GFM1: variants seen among roughly 807,000 people sequenced by gnomAD.
The protein encoded by GFM1 is G elongation factor mitochondrial 1, also known as elongation factor G, mitochondrial.
Under a neutral mutation model 96.2 loss-of-function variants are expected in GFM1, and 62 were observed. That is an observed-to-expected ratio of 0.64 (90% confidence interval 0.53 to 0.80). The LOEUF (loss-of-function observed/expected upper bound fraction) is 0.80, where lower values mean the gene tolerates loss of function less well. Ranked by LOEUF, GFM1 falls within the 30% of genes least tolerant of loss-of-function variation. The probability of loss-of-function intolerance (pLI) is 0.00; values close to 1 mark genes in which losing one functional copy is unlikely to be tolerated. For synonymous variants in GFM1, 282 were observed against 312.9 expected (o/e 0.90, Z 1.04); for missense variants, 852 against 916.6 (o/e 0.93, Z 0.91).
chr3:158,669,064 T>C (rs778285888), intron 13 of GFM1: 4 of 1,613,696 alleles, frequency 2.5e-6, no homozygotes, highest in East Asian at 4.5e-5. Context: ...TGCCATATTA[T>C]ATAACCACAG....
intron 13 of GFM1, chr3:158,667,003 A>G (rs1723758084): frequency 1.3e-6 from 2 of 1,595,218 alleles, no homozygotes; most frequent in African/African-American, 1.3e-5. Context: ...AAGGTAAATT[A>G]TACTTTACCT....
chr3:158,663,844 AG>A (rs1322212477), intron 11 of GFM1, among the ~76,000 whole-genome samples: 2 of 152,224 alleles, frequency 1.3e-5, no homozygotes, highest in African/African-American at 4.8e-5. Flanking sequence ...TGCATTAAAA[AG>A]TTTAAAGATG....
intron 13 of GFM1, among the ~76,000 whole-genome samples, chr3:158,674,399 C>T (rs1724688199): frequency 6.6e-6 from 1 of 152,022 alleles, no homozygotes; most frequent in Admixed American, 6.6e-5. Context: ...AACCCTGACC[C>T]ACCCATGGCA....
intron 13 of GFM1, among the ~76,000 whole-genome samples, chr3:158,674,685 ATGGC>A (rs1724717559): frequency 6.6e-6 from 1 of 152,236 alleles, no homozygotes; most frequent in South Asian, 2.1e-4. Flanking sequence ...TATTAATAAC[ATGGC>A]TTATATTTAA....
chr3:158,662,736 T>C (rs1723293569), intron 11 of GFM1, 52 bp downstream of exon 11: 3 of 1,055,292 alleles, frequency 2.8e-6, no homozygotes, highest in Non-Finnish European at 4.5e-6. Flanking sequence ...TTGAGCTCTT[T>C]TTCATCTATC....
chr3:158,695,172 G>A lies in GFM1; in HGVS notation c.*3705G>A, dbSNP rs542151788. 1.3e-5 allele frequency among the ~76,000 whole-genome samples: 2 copies of A among 152,208 alleles called. No individual in the cohort carries two copies. Among genetic ancestry groups the A allele is most frequent in the Middle Eastern group, 6.8e-3 (2 of 294 alleles). ...GTGGATAACCTGAGGTCAGGAGTTC[G>A]AGACCACCCTGGCCAACACGGTGAA... On this transcript the variant is annotated 3_prime_UTR_variant, in exon 18 of 18. Coordinates refer to ENST00000486715, the MANE Select transcript of GFM1 (RefSeq NM_024996.7).
intron 9 of GFM1, 130 bp downstream of exon 9, chr3:158,659,189 A>G: frequency 9.3e-7 from 1 of 1,076,816 alleles, no homozygotes; most frequent in South Asian, 1.4e-5. Flanking sequence ...TTCTACTTAA[A>G]TGTGTTGTAG....
At chr3:158,658,084 A>T (rs1722909123) in intron 8 of GFM1, among the ~76,000 whole-genome samples, 1 of 151,478 alleles carries the variant, frequency 6.6e-6, no homozygotes, top group South Asian at 2.1e-4. Flanking sequence ...TATAATTAAC[A>T]TGGTAAGAAC....
intron 16 of GFM1, among the ~76,000 whole-genome samples, chr3:158,690,858 A>C (rs993591628): frequency 6.6e-6 from 1 of 152,256 alleles, no homozygotes; most frequent in Non-Finnish European, 1.5e-5. Flanking sequence ...CTGGGGCTAC[A>C]GAGCGGAGTG....
rs1017767681 is a variant in GFM1 at position 158,693,110 on chromosome 3, C to T, written c.*1643C>T. On this transcript the variant is annotated 3_prime_UTR_variant, in exon 18 of 18. Coordinates refer to ENST00000486715, the MANE Select transcript of GFM1 (RefSeq NM_024996.7). Reference sequence around the variant, plus strand: ...GATAAGGTAAATAACTTTAATGAGACCACAAAACCTAAGTTTTTTAATTGA... The same window carrying T: ...GATAAGGTAAATAACTTTAATGAGATCACAAAACCTAAGTTTTTTAATTGA... 2 of 152,042 alleles carry T rather than the reference C, an allele frequency of 1.3e-5. No individual in the cohort carries two copies. The highest frequency in any genetic ancestry group is 2.4e-5 in the African/African-American group (1 of 41,386). The allele number at this position is 152,042 out of a possible 1,614,324, so 9.4% of individuals were successfully genotyped here. A position where few individuals can be genotyped will look rare whatever the true frequency, so the allele number is the denominator to read the frequency against.
chr3:158,686,398 A>AT (rs981378785), intron 15 of GFM1, among the ~76,000 whole-genome samples: 5 of 53,036 alleles, frequency 9.4e-5, no homozygotes, highest in African/African-American at 6.0e-4. Flanking sequence ...TTTTATATAT[A>AT]AAAAAATAAA....
intron 8 of GFM1, 22 bp from the exon 9 acceptor site, chr3:158,658,900 C>G (rs1722972111): frequency 6.2e-7 from 1 of 1,613,448 alleles, no homozygotes; most frequent in Non-Finnish European, 8.5e-7. Flanking sequence ...TCTTCCTGCC[C>G]TTACCCAATC....
chr3:158,658,181 G>A (rs1428330588), intron 8 of GFM1, among the ~76,000 whole-genome samples: 1 of 22,186 alleles, frequency 4.5e-5, no homozygotes, highest in African/African-American at 3.0e-4. Context: ...TTTTTTTTTT[G>A]AGACAGAGTC....
intron 15 of GFM1, 185 bp downstream of exon 15, chr3:158,684,853 A>G (rs1725704759): frequency 1.6e-6 from 1 of 608,662 alleles, no homozygotes; most frequent in Non-Finnish European, 2.9e-6. Flanking sequence ...TTTCTTGCAA[A>G]GCTAAAAGAC....
chr3:158,685,127 CCTT>C (rs1560144933), intron 15 of GFM1: 1 of 158,750 alleles, frequency 6.3e-6, no homozygotes, highest in African/African-American at 2.4e-5. Context: ...ATTTGGTAAA[CCTT>C]ATTCACAATG....
At chr3:158,690,970 C>T (rs982698941) in intron 16 of GFM1, among the ~76,000 whole-genome samples, 169 bp from the exon 17 acceptor site, 1 of 152,220 alleles carries the variant, frequency 6.6e-6, no homozygotes, top group African/African-American at 2.4e-5. Flanking sequence ...AATAGGATTT[C>T]CACTTGGAAT....
intron 8 of GFM1, chr3:158,656,941 C>T (rs551303282): frequency 2.8e-4 from 42 of 152,292 alleles, no homozygotes; most frequent in African/African-American, 9.4e-4. Context: ...TTGTATATTC[C>T]ATGCCCTAAC....
chr3:158,644,821 T>C (rs1307167770), intron 1 of GFM1, 106 bp downstream of exon 1: 17 of 910,316 alleles, frequency 1.9e-5, no homozygotes, highest in Middle Eastern at 2.1e-4. Context: ...GACTGACAGC[T>C]CCGAATACTG....
intron 5 of GFM1, 52 bp from the exon 6 acceptor site, chr3:158,652,044 T>A: frequency 6.7e-7 from 1 of 1,482,414 alleles, no homozygotes; most frequent in Non-Finnish European, 9.4e-7. Flanking sequence ...TCATTAGTCC[T>A]TCATATATTA....
Sources: allele counts gnomAD v4.1 joint callset (sites outside exome capture counted in the v4.1 genomes callset), GRCh38; gene constraint gnomAD v4.1.1; transcripts MANE v1.5; gene names NCBI Gene and HGNC (gene_info 2026-07-23, HGNC 2026-07-21).